Variants in SPOCK1 observed in about 807,000 individuals in gnomAD.
SPOCK1 encodes the protein testican-1.
Under a neutral mutation model 55.3 loss-of-function variants are expected in SPOCK1, and 23 were observed. That is an observed-to-expected ratio of 0.42 (90% CI 0.30 to 0.59). SPOCK1 has a LOEUF of 0.59. Ranked by LOEUF, SPOCK1 falls within the 20% of genes least tolerant of loss-of-function variation. The probability of loss-of-function intolerance (pLI) is 0.22; values close to 1 mark genes in which losing one functional copy is unlikely to be tolerated. For missense variants in SPOCK1, 499 were observed against 552.5 expected (o/e 0.90, Z 0.97); for synonymous variants, 226 against 221.0 (o/e 1.02, Z -0.20).
chr5:137,475,559 C>A (rs1447436127), intron 2 of SPOCK1, among the ~76,000 whole-genome samples: 1 of 149,602 alleles, frequency 6.7e-6, no homozygotes, highest in African/African-American at 2.5e-5. Flanking sequence ...AATGTATCAC[C>A]TAAAGTATCT....
intron 5 of SPOCK1, among the ~76,000 whole-genome samples, chr5:137,071,986 C>T (rs953125469): frequency 6.6e-6 from 1 of 152,188 alleles, no homozygotes; most frequent in Non-Finnish European, 1.5e-5. Context: ...AATTAATATT[C>T]TTTCCATCCA....
intron 3 of SPOCK1, among the ~76,000 whole-genome samples, chr5:137,235,932 G>A (rs912953949): frequency 6.6e-5 from 10 of 152,310 alleles, no homozygotes; most frequent in Middle Eastern, 3.4e-3. Context: ...TGGAGGCCCC[G>A]GATAAATGAA....
chr5:137,165,044 T>C lies in SPOCK1; in HGVS notation c.233-24350A>G, dbSNP rs192505839. Among the ~76,000 whole-genome samples the C allele has an allele frequency of 5.5e-4, 84 of 152,316 alleles. 1 individual carries two copies. The East Asian group carries it at 0.011, about 21-fold the overall frequency. On this transcript the variant is annotated intron_variant, in intron 3 of 10. Coordinates refer to ENST00000394945, the MANE Select transcript of SPOCK1 (RefSeq NM_004598.4). ...CCTGGCTGGCTTTGCTATCTGCTGA[T>C]TGGGGAGCCCCAGGACTTTGAGCAA...
chr5:137,427,566 C>T (rs1253112205), intron 2 of SPOCK1, among the ~76,000 whole-genome samples: 1 of 152,132 alleles, frequency 6.6e-6, no homozygotes, highest in African/African-American at 2.4e-5. Context: ...TATGATCTCC[C>T]TACTACTCCA....
chr5:137,312,145 T>A (rs895544307), intron 2 of SPOCK1, among the ~76,000 whole-genome samples: 6 of 152,198 alleles, frequency 3.9e-5, no homozygotes, highest in African/African-American at 7.2e-5. Context: ...CACATCTCAT[T>A]TCAATAAATG....
intron 2 of SPOCK1, among the ~76,000 whole-genome samples, chr5:137,348,041 C>T (rs554035326): frequency 1.3e-5 from 2 of 152,314 alleles, no homozygotes; most frequent in East Asian, 1.9e-4. Flanking sequence ...TGCTGCTGGG[C>T]TGTGGGCCAC....
chr5:136,977,990 C>G lies in SPOCK1; in HGVS notation c.*664G>C. 2 of 398,790 alleles carry G rather than the reference C, an allele frequency of 5.0e-6. No individual in the cohort carries two copies. Among genetic ancestry groups the G allele is most frequent in the Non-Finnish European group, 8.8e-6 (2 of 226,024 alleles). The allele number at this position is 398,790 out of a possible 1,614,324, so 24.7% of individuals were successfully genotyped here. A position where few individuals can be genotyped will look rare whatever the true frequency, so the allele number is the denominator to read the frequency against. On this transcript the variant is annotated 3_prime_UTR_variant, in exon 11 of 11. Coordinates refer to ENST00000394945, the MANE Select transcript of SPOCK1 (RefSeq NM_004598.4). ...TGCAAGGCACACACATACAGTCTTTCTGTACATGCATGCATATTTATGCAT... is the reference window on the plus strand; with the variant it reads ...TGCAAGGCACACACATACAGTCTTTGTGTACATGCATGCATATTTATGCAT...
chr5:137,191,273 C>T (rs2127070177), intron 3 of SPOCK1, among the ~76,000 whole-genome samples: 1 of 152,308 alleles, frequency 6.6e-6, no homozygotes, highest in Non-Finnish European at 1.5e-5. Context: ...AATAAGTTAA[C>T]ACACAGCTTT....
chr5:137,344,476 A>G (rs552899843), intron 2 of SPOCK1, among the ~76,000 whole-genome samples: 1 of 152,374 alleles, frequency 6.6e-6, no homozygotes, highest in South Asian at 2.1e-4. Context: ...ACCTCAGGGC[A>G]GCAGTTCTTA....
At chr5:137,037,011 A>T (rs898610399) in intron 6 of SPOCK1, among the ~76,000 whole-genome samples, 2 of 152,156 alleles carry the variant, frequency 1.3e-5, no homozygotes, top group East Asian at 3.8e-4. Flanking sequence ...GCAGTGCTAG[A>T]ACCAGCAGGT....
At chr5:137,095,940 C>T (rs1753138251) in intron 5 of SPOCK1, among the ~76,000 whole-genome samples, 1 of 150,264 alleles carries the variant, frequency 6.7e-6, no homozygotes. Flanking sequence ...CTCCCCACAG[C>T]ACCAGCTTCT....
chr5:137,245,879 C>A (rs1363283704), intron 3 of SPOCK1, among the ~76,000 whole-genome samples: 3 of 151,686 alleles, frequency 2.0e-5, no homozygotes, highest in Non-Finnish European at 4.4e-5. Context: ...TGTCTATTAA[C>A]ATATAAAAGG....
intron 2 of SPOCK1, among the ~76,000 whole-genome samples, chr5:137,275,416 G>C (rs753620359): frequency 6.6e-5 from 10 of 152,280 alleles, no homozygotes; most frequent in African/African-American, 9.6e-5. Context: ...ACAGGGATTG[G>C]CAGAAGCAGT....
At chr5:137,142,062 A>T (rs557560701) in intron 3 of SPOCK1, among the ~76,000 whole-genome samples, 1 of 152,314 alleles carries the variant, frequency 6.6e-6, no homozygotes, top group South Asian at 2.1e-4. Context: ...TGGGGCCTAA[A>T]GCCTATTAAG....
intron 2 of SPOCK1, among the ~76,000 whole-genome samples, chr5:137,359,022 C>T (rs372991386): frequency 6.6e-6 from 1 of 152,304 alleles, no homozygotes; most frequent in East Asian, 1.9e-4. Context: ...AATTGTCTAT[C>T]ACAGCCAGTT....
At chr5:136,998,626 G>A (rs1751091485) in intron 6 of SPOCK1, among the ~76,000 whole-genome samples, 1 of 152,258 alleles carries the variant, frequency 6.6e-6, no homozygotes, top group Non-Finnish European at 1.5e-5. Context: ...CTTGCCTTGC[G>A]TAGGAAACTC....
chr5:137,008,526 C>G (rs1224419201), intron 6 of SPOCK1, among the ~76,000 whole-genome samples: 3 of 152,148 alleles, frequency 2.0e-5, no homozygotes, highest in Admixed American at 6.6e-5. Context: ...TTCAGGAAAC[C>G]AGTTCTATAC....
chr5:137,193,104 T>A (rs952355119), intron 3 of SPOCK1, among the ~76,000 whole-genome samples: 4 of 152,166 alleles, frequency 2.6e-5, no homozygotes, highest in African/African-American at 9.7e-5. Context: ...ATCACCCTGA[T>A]GTTTGTGTGG....
At chr5:137,108,880 C>T (rs1753414247) in intron 5 of SPOCK1, among the ~76,000 whole-genome samples, 1 of 152,210 alleles carries the variant, frequency 6.6e-6, no homozygotes, top group South Asian at 2.1e-4. Context: ...TACTTCTAAG[C>T]AGGCAACCTT....
Sources: allele counts gnomAD v4.1 joint callset (sites outside exome capture counted in the v4.1 genomes callset), GRCh38; gene constraint gnomAD v4.1.1; transcripts MANE v1.5; gene names NCBI Gene and HGNC (gene_info 2026-07-23, HGNC 2026-07-21).